The following ZNF789 variants were observed in gnomAD, a reference collection of about 807,000 sequenced individuals.
ZNF789 encodes the protein zinc finger protein 789.
Under a neutral mutation model 15.6 loss-of-function variants are expected in ZNF789, and 11 were observed. That is an observed-to-expected ratio of 0.70 (90% CI 0.44 to 1.16). The LOEUF (loss-of-function observed/expected upper bound fraction) is 1.16, where lower values mean the gene tolerates loss of function less well. Among genes scored for constraint, ZNF789 ranks in the 50% most tolerant of loss-of-function variants. The pLI is 0.00. For synonymous variants in ZNF789, 159 were observed against 176.0 expected, an observed-to-expected ratio of 0.90 and a Z score of 0.76; for missense variants, 461 against 512.6, an observed-to-expected ratio of 0.90 and a Z score of 0.97.
At chr7:99,476,033 G>GACCTC (rs1050381464) in intron 1 of ZNF789, among the ~76,000 whole-genome samples, 5 of 152,052 alleles carry the variant, frequency 3.3e-5, no homozygotes, top group African/African-American at 1.2e-4. Context: ...TCCATCTTCT[G>GACCTC]ACCTCGTGAT....
In ZNF789 at chr7:99,486,834, A is replaced by G. The variant is rs774107590; in HGVS notation, c.624A>G (p.Lys208=). The part of the protein sequence containing the change: ...AKSYECSECG[K]VIRRKAWFDQ... ...CTTATGAATGCAGTGAATGTGGAAAAGTCATTAGGCGTAAGGCATGGTTTG... is the reference window on the plus strand; with the variant it reads ...CTTATGAATGCAGTGAATGTGGAAAGGTCATTAGGCGTAAGGCATGGTTTG... The change falls in exon 5 of 5, where the codon AAA becomes AAG. Residue 208 remains lysine (K), a synonymous_variant. Coordinates refer to ENST00000331410, the MANE Select transcript of ZNF789 (RefSeq NM_213603.3). 1.5e-5 allele frequency: 24 copies of G among 1,614,008 alleles called. No individual in the cohort carries two copies. The highest frequency in any genetic ancestry group is 2.0e-5 in the Non-Finnish European group (24 of 1,180,028).
At chr7:99,485,416 C>T in intron 4 of ZNF789, 1 of 659,334 alleles carries the variant, frequency 1.5e-6, no homozygotes, top group South Asian at 1.7e-5. Flanking sequence ...CCCTGTTCAC[C>T]CCTAGTTGAG....
At chr7:99,484,489 G>A (rs1176547194) in intron 4 of ZNF789, among the ~76,000 whole-genome samples, 2 of 152,194 alleles carry the variant, frequency 1.3e-5, no homozygotes, top group Admixed American at 6.6e-5. Flanking sequence ...GCGTAGTGGC[G>A]TGTGCCTGTA....
At position 99,487,410 on chromosome 7, in the gene ZNF789, C is replaced by CA. The variant is rs764912310; in HGVS notation, c.1201dup (p.Ile401AsnfsTer14). On this transcript the variant is annotated frameshift_variant, in exon 5 of 5. Coordinates refer to ENST00000331410, the MANE Select transcript of ZNF789 (RefSeq NM_213603.3). LOFTEE classifies it low-confidence loss of function (END_TRUNC). ...CTGGAAGCCAACCCTACCAATGTGT[C>CA]ATATGTGGAAAATCTTTCAAGTGGC... is the stretch of plus-strand genomic sequence containing the variant. The CA allele has an allele frequency of 6.2e-7, 1 of 1,614,202 alleles. No individual in the cohort carries two copies. Among genetic ancestry groups the CA allele is most frequent in the Admixed American group, 1.7e-5 (1 of 60,024 alleles).
At position 99,473,055 on chromosome 7, in the gene ZNF789, A is replaced by C. The variant is rs1005801341; in HGVS notation, c.-56A>C. The C allele has an allele frequency of 3.9e-5, 6 of 152,144 alleles. No homozygotes were observed. Among genetic ancestry groups the C allele is most frequent in the Non-Finnish European group, 7.3e-5 (5 of 68,114 alleles). 9.4% of individuals were successfully genotyped at this position (152,144 alleles called of 1,614,324 possible). On this transcript the variant is annotated splice_region_variant and 5_prime_UTR_variant, in exon 1 of 5. Coordinates refer to ENST00000331410, the MANE Select transcript of ZNF789 (RefSeq NM_213603.3). ...TTGGCGGAGATTCGGAGCCGTCAGC[A>C]GGTTTGGGGAGAAGGAAACGAGTGT...
Position 99,472,912 on chromosome 7 carries a change from A to G in ZNF789, c.-199A>G, listed in dbSNP as rs1799090161. ...GCCAGCGAGAGGCTCTGAGGCTGCC[A>G]GAGTGGTTGTGTCTGTTCCTCCGGT... On this transcript the variant is annotated 5_prime_UTR_variant, in exon 1 of 5. Coordinates refer to ENST00000331410, the MANE Select transcript of ZNF789 (RefSeq NM_213603.3). 6.6e-6 allele frequency: 1 copy of G among 152,346 alleles called. No homozygotes were observed. The highest frequency in any genetic ancestry group is 2.4e-5 in the African/African-American group (1 of 41,470). 9.4% of individuals were successfully genotyped at this position (152,346 alleles called of 1,614,324 possible). A position where few individuals can be genotyped will look rare whatever the true frequency, so the allele number is the denominator to read the frequency against.
At chr7:99,482,898 A>G (rs116731319) in intron 3 of ZNF789, among the ~76,000 whole-genome samples, 1,949 of 152,096 alleles carry the variant, frequency 0.013, 38 homozygotes, top group African/African-American at 0.045. Context: ...TGAGTTTTGT[A>G]TTCTGCTTTA....
At chr7:99,482,652 C>T (rs1181233620) in intron 3 of ZNF789, among the ~76,000 whole-genome samples, 3 of 151,190 alleles carry the variant, frequency 2.0e-5, no homozygotes, top group African/African-American at 7.3e-5. Context: ...GTCGGGAGTT[C>T]GAGACCAGCC....
chr7:99,486,499 A>C lies in ZNF789; in HGVS notation c.289A>C (p.Lys97Gln). ...AGGTTCTGAAGCCAGACACAAGATG[A>C]AAAAGCTAACTCCAAAACAGAAATT... ...CPGSEARHKM[K>Q]KLTPKQKFSE... is the part of the protein sequence containing the mutation. Residue 97 changes from lysine to glutamine, a missense_variant, in exon 5 of 5, where the codon AAA becomes CAA. By Grantham distance (53) the Lys-to-Gln change is moderately conservative. Coordinates refer to ENST00000331410, the MANE Select transcript of ZNF789 (RefSeq NM_213603.3). 1 of 1,611,744 alleles carries C rather than the reference A, an allele frequency of 6.2e-7. No homozygotes were observed. Among genetic ancestry groups the C allele is most frequent in the Non-Finnish European group, 8.5e-7 (1 of 1,178,766 alleles).
intron 3 of ZNF789, 53 bp from the exon 4 acceptor site, chr7:99,483,977 C>A: frequency 6.9e-7 from 1 of 1,455,622 alleles, no homozygotes; most frequent in Non-Finnish European, 9.7e-7. Context: ...AGCCCCGGGC[C>A]ATGTCTCTGT....
At chr7:99,484,670 G>A (rs1023453859) in intron 4 of ZNF789, among the ~76,000 whole-genome samples, 3 of 151,134 alleles carry the variant, frequency 2.0e-5, no homozygotes, top group Non-Finnish European at 2.9e-5. Flanking sequence ...GGCTCACGCC[G>A]GTAATCCCAG....
At position 99,479,848 on chromosome 7, in the gene ZNF789, G is replaced by T. The variant is rs564624654; in HGVS notation, c.151+61G>T. On this transcript the variant is annotated intron_variant, in intron 3 of 4. Transcript: ENST00000331410. ...TTCTGAGTGTCTGTGCAAGCCCTTA[G>T]TCCCTTATCTGCAATTCCAGAATCA... 4.0e-5 allele frequency: 60 copies of T among 1,502,844 alleles called. No homozygotes were observed. In the African/African-American group the frequency reaches 8.5e-4, roughly 21 times the overall value. The allele number at this position is 1,502,844 out of a possible 1,614,324, so 93.1% of individuals were successfully genotyped here. A position where few individuals can be genotyped will look rare whatever the true frequency, so the allele number is the denominator to read the frequency against.
intron 1 of ZNF789, among the ~76,000 whole-genome samples, chr7:99,474,491 A>G (rs990012399): frequency 4.6e-5 from 7 of 151,672 alleles, no homozygotes; most frequent in East Asian, 3.9e-4. Context: ...CTACTCGGGA[A>G]GCTGAGGCAG....
intron 2 of ZNF789, chr7:99,478,484 C>G: frequency 1.4e-6 from 1 of 735,174 alleles, no homozygotes; most frequent in Non-Finnish European, 2.1e-6. Flanking sequence ...TCAGGATGGT[C>G]TCAGGATGGG....
Position 99,484,045 on chromosome 7 carries a change from A to T in ZNF789, c.167A>T (p.Lys56Ile). Residue 56 changes from lysine to isoleucine, a missense_variant, in exon 4 of 5, where the codon AAA becomes ATA. Coordinates refer to ENST00000331410, the MANE Select transcript of ZNF789 (RefSeq NM_213603.3). ...CCATGAGTAGGATTTCAGTTTCCCA[A>T]ACCTGAGATGATCTGTCAGCTGGAG... ...NMVLLGFQFP[K>I]PEMICQLENW... The T allele has an allele frequency of 6.2e-7, 1 of 1,614,030 alleles. No homozygotes were observed. The highest frequency in any genetic ancestry group is 8.5e-7 in the Non-Finnish European group (1 of 1,180,016).
Position 99,484,074 on chromosome 7 carries a change from T to A in ZNF789, c.196T>A (p.Trp66Arg). ...TGAGATGATCTGTCAGCTGGAGAAC[T>A]GGGACGAGCAGTGGATCCTGGATCT... ...KPEMICQLENWDEQWILDLPR... is the reference protein window; with the variant it reads ...KPEMICQLENRDEQWILDLPR... Residue 66 changes from tryptophan (W) to arginine (R), a missense_variant, in exon 4 of 5, where the codon TGG (tryptophan) becomes AGG (arginine). Transcript: ENST00000331410. 6.2e-7 allele frequency: 1 copy of A among 1,614,092 alleles called. No individual in the cohort carries two copies. The highest frequency in any genetic ancestry group is 2.2e-5 in the East Asian group (1 of 44,880).
At chr7:99,485,118 C>T in intron 4 of ZNF789, 1 of 1,459,418 alleles carries the variant, frequency 6.9e-7, no homozygotes, top group East Asian at 2.5e-5. Context: ...CTCGGTGCTG[C>T]CTCTTGTTCC....
Position 99,486,754 on chromosome 7 carries a change from T to TTC in ZNF789, c.545_546dup (p.Asn183SerfsTer44), listed in dbSNP as rs1799976974. On this transcript the variant is annotated frameshift_variant, in exon 5 of 5. Coordinates refer to ENST00000331410, the MANE Select transcript of ZNF789 (RefSeq NM_213603.3). LOFTEE classifies it low-confidence loss of function (END_TRUNC). ...CAGATATGATGAGGATGGCAAACCC[T>TTC]TCAATCAAAGATCTTTGCTTTTGGG... The TTC allele has an allele frequency of 1.2e-6, 2 of 1,614,224 alleles. No individual in the cohort carries two copies.
At position 99,473,027 on chromosome 7, in the gene ZNF789, G is replaced by A. The variant is rs933617466; in HGVS notation, c.-84G>A. 3 of 152,406 alleles carry A rather than the reference G, an allele frequency of 2.0e-5. No homozygotes were observed. Among genetic ancestry groups the A allele is most frequent in the African/African-American group, 7.2e-5 (3 of 41,458 alleles). The allele number at this position is 152,406 out of a possible 1,614,324, so 9.4% of individuals were successfully genotyped here. Reference sequence around the variant, plus strand: ...GGAGAGCCCAGCCCCTGGTGGAGGCGGCTTGGCGGAGATTCGGAGCCGTCA... The same window carrying A: ...GGAGAGCCCAGCCCCTGGTGGAGGCAGCTTGGCGGAGATTCGGAGCCGTCA... On this transcript the variant is annotated 5_prime_UTR_variant, in exon 1 of 5. Coordinates refer to ENST00000331410, the MANE Select transcript of ZNF789 (RefSeq NM_213603.3).
Sources: allele counts gnomAD v4.1 joint callset (sites outside exome capture counted in the v4.1 genomes callset), GRCh38; gene constraint gnomAD v4.1.1; transcripts MANE v1.5; gene names NCBI Gene and HGNC (gene_info 2026-07-23, HGNC 2026-07-21).